The following DCTN1 variants were observed in gnomAD, a reference collection of about 807,000 sequenced individuals.
DCTN1 encodes dynactin subunit 1.
A neutral mutation model predicts 161.2 loss-of-function variants in DCTN1; 61 were observed. That is an observed-to-expected ratio of 0.38 (90% confidence interval 0.31 to 0.47). The LOEUF is 0.47. Among genes scored for constraint, DCTN1 ranks in the 20% least tolerant of loss-of-function variants. The pLI, the probability that DCTN1 is intolerant of heterozygous loss-of-function variation, is 0.99. For missense variants in DCTN1, 1,404 were observed against 1,623.7 expected (o/e 0.86, Z 2.33); for synonymous variants, 653 against 632.4 (o/e 1.03, Z -0.49).
In DCTN1 at chr2:74,364,589, C is replaced by T. The variant is rs966545460; in HGVS notation, c.3196+486G>A. The T allele has an allele frequency of 1.6e-5, 4 of 247,448 alleles. No individual in the cohort carries two copies. In the Admixed American group the frequency reaches 2.1e-4, roughly 13 times the overall value. The allele number at this position is 247,448 out of a possible 1,614,324, so 15.3% of individuals were successfully genotyped here. ...CTAGACAAAGGTCAAAACACAAGCC[C>T]CAAGTGAAACTGGGATAATTCAGCA... On this transcript the variant is annotated intron_variant, in intron 26 of 31. Coordinates refer to ENST00000628224, the MANE Select transcript of DCTN1 (RefSeq NM_004082.5).
chr2:74,389,868 T>A (rs997654611), intron 1 of DCTN1, among the ~76,000 whole-genome samples: 3 of 152,228 alleles, frequency 2.0e-5, no homozygotes, highest in African/African-American at 7.2e-5. Flanking sequence ...TGTCTAATAT[T>A]GCTATGTGAA....
rs114222011 is a variant in DCTN1, at chr2:74,361,683, G to C, written c.3700-47C>G. 2.1e-3 allele frequency: 3,326 copies of C among 1,613,628 alleles called. 68 individuals are homozygous for C. The African/African-American group carries it at 0.038, about 19-fold the overall frequency. The stretch of plus-strand genomic sequence containing the variant: ...AAGACTCCAGGTCAGGGGCTCACTT[G>C]AGCTGTGGGCCACTGAAGGGGTCCC... On this transcript the variant is annotated intron_variant, in intron 31 of 31. Coordinates refer to ENST00000628224, the MANE Select transcript of DCTN1 (RefSeq NM_004082.5).
Position 74,363,424 on chromosome 2 carries a change from G to C in DCTN1, c.3215C>G (p.Ala1072Gly), listed in dbSNP as rs780875333. Residue 1072 changes from alanine (A) to glycine (G), a missense_variant, in exon 28 of 32, where the codon GCC becomes GGC. Coordinates refer to ENST00000628224, the MANE Select transcript of DCTN1 (RefSeq NM_004082.5). ...AGACCCTGGAGCCTGCCCAGGGATG[G>C]CTCCTGTGGGGACCATAAAAAATCT... Reference protein sequence around the residue: ...GIAGEEQQRGAIPGQAPGSVP... With the variant: ...GIAGEEQQRGGIPGQAPGSVP... 4.6e-5 allele frequency: 74 copies of C among 1,612,042 alleles called. No homozygotes were observed. Among genetic ancestry groups the C allele is most frequent in the Non-Finnish European group, 5.9e-5 (70 of 1,179,752 alleles).
intron 1 of DCTN1, among the ~76,000 whole-genome samples, chr2:74,388,517 G>C (rs1248525998): frequency 6.6e-6 from 1 of 152,112 alleles, no homozygotes; most frequent in Admixed American, 6.5e-5. Flanking sequence ...ATGTCACCAG[G>C]ACAATTCTTC....
intron 26 of DCTN1, chr2:74,364,784 G>A (rs1240666770): frequency 4.3e-6 from 2 of 460,766 alleles, no homozygotes; most frequent in African/African-American, 2.0e-5. Flanking sequence ...GGGCTGGGCA[G>A]AAAGGTCAGA....
Position 74,368,101 on chromosome 2 carries a change from TCTC to T in DCTN1, c.1882_1884del (p.Glu628del). The T allele has an allele frequency of 6.2e-7, 1 of 1,600,492 alleles. No individual in the cohort carries two copies. Among genetic ancestry groups the T allele is most frequent in the Non-Finnish European group, 8.5e-7 (1 of 1,173,130 alleles). ...GAACAGTTCTCACTTAGTTCAAACTTCTCCTGGGCCTGCTTCCGGATCAGCTCT... is the reference window on the plus strand; with the variant it reads ...GAACAGTTCTCACTTAGTTCAAACTTCTGGGCCTGCTTCCGGATCAGCTCT... On this transcript the variant is annotated inframe_deletion, in exon 17 of 32. Coordinates refer to ENST00000628224, the MANE Select transcript of DCTN1 (RefSeq NM_004082.5).
Position 74,368,941 on chromosome 2 carries a change from T to C in DCTN1, c.1702-61A>G, listed in dbSNP as rs1002497904. The C allele has an allele frequency of 7.5e-6, 12 of 1,604,652 alleles. No individual in the cohort carries two copies. The African/African-American group carries it at 1.3e-4, about 18-fold the overall frequency. ...AGCTGAAAGAGCCCCAAAATTCCCATGCCTTGCTCCAGTAGATCCCTTGCT... is the reference window on the plus strand; with the variant it reads ...AGCTGAAAGAGCCCCAAAATTCCCACGCCTTGCTCCAGTAGATCCCTTGCT... On this transcript the variant is annotated intron_variant, in intron 15 of 31. Transcript: ENST00000628224.
upstream of DCTN1, among the ~76,000 whole-genome samples, chr2:74,382,313 T>C (rs1207609782): frequency 6.6e-6 from 1 of 152,178 alleles, no homozygotes; most frequent in African/African-American, 2.4e-5. Flanking sequence ...TACAGGTACC[T>C]TGTAGGCCAG....
chr2:74,387,906 C>A (rs1214380903), intron 1 of DCTN1, among the ~76,000 whole-genome samples: 1 of 152,200 alleles, frequency 6.6e-6, no homozygotes, highest in African/African-American at 2.4e-5. Flanking sequence ...CTGGCCTTGA[C>A]CAAGCACAGT....
At chr2:74,391,703 A>T in intron 1 of DCTN1, 1 of 425,184 alleles carries the variant, frequency 2.4e-6, no homozygotes, top group Non-Finnish European at 4.7e-6. Flanking sequence ...CGCCCCGCAC[A>T]CCGGGCTCGG....
upstream of DCTN1, chr2:74,380,692 G>A: frequency 2.5e-6 from 1 of 401,100 alleles, no homozygotes; most frequent in South Asian, 1.8e-5. Context: ...ATGTGAGTAG[G>A]GCCTGGATTT....
intron 29 of DCTN1, 81 bp downstream of exon 29, chr2:74,362,913 G>A (rs1189783243): frequency 6.6e-7 from 1 of 1,504,860 alleles, no homozygotes; most frequent in Non-Finnish European, 9.1e-7. Flanking sequence ...TGTGGTGGGG[G>A]AACCACCTGA....
Position 74,365,120 on chromosome 2 carries a change from G to A in DCTN1, c.3151C>T (p.Pro1051Ser). ...AGAGTAGCAATGCCTGAAGGAGGAG[G>A]GCCCCGGAGTCCCTCAATCGTGCGT... ...SKRTIEGLRG[P>S]PPSGIATLVS... is the part of the protein sequence containing the mutation. The change falls in exon 26 of 32, where the codon CCT becomes TCT. Residue 1051 changes from proline (P) to serine (S), a missense_variant. Transcript: ENST00000628224. The A allele has an allele frequency of 6.2e-7, 1 of 1,614,102 alleles. No homozygotes were observed. The highest frequency in any genetic ancestry group is 1.1e-5 in the South Asian group (1 of 91,076).
chr2:74,366,690 A>G, intron 21 of DCTN1, 70 bp from the exon 22 acceptor site: 4 of 1,613,950 alleles, frequency 2.5e-6, no homozygotes, highest in Non-Finnish European at 3.4e-6. Context: ...CCCCAAAACC[A>G]TTTTTGTCCC....
At chr2:74,362,536 C>T (rs926153679) in intron 30 of DCTN1, 114 bp downstream of exon 30, 6 of 1,107,728 alleles carry the variant, frequency 5.4e-6, no homozygotes, top group Admixed American at 3.9e-5. Context: ...CCTTCCCTTC[C>T]ATCTCCTCCC....
At chr2:74,388,687 T>A (rs1222733651) in intron 1 of DCTN1, among the ~76,000 whole-genome samples, 1 of 152,212 alleles carries the variant, frequency 6.6e-6, no homozygotes, top group Non-Finnish European at 1.5e-5. Context: ...CATCTCTTAC[T>A]CTACTATGAA....
At position 74,372,927 on chromosome 2, in the gene DCTN1, C is replaced by A; in HGVS notation, c.453+1G>T. Reference sequence around the variant, plus strand: ...GCTCACACAGGGGCCTGTTTTCTCACCTTGGGTCGCCGAGTTGTGGTCTGG... The same window carrying A: ...GCTCACACAGGGGCCTGTTTTCTCAACTTGGGTCGCCGAGTTGTGGTCTGG... On this transcript the variant is annotated splice_donor_variant, in intron 7 of 31. Coordinates refer to ENST00000628224, the MANE Select transcript of DCTN1 (RefSeq NM_004082.5). LOFTEE classifies it high-confidence loss of function. 6.2e-7 allele frequency: 1 copy of A among 1,614,088 alleles called. No individual in the cohort carries two copies. Among genetic ancestry groups the A allele is most frequent in the Non-Finnish European group, 8.5e-7 (1 of 1,180,004 alleles).
Position 74,363,437 on chromosome 2 carries a change from C to T in DCTN1, c.3212-10G>A, listed in dbSNP as rs201516838. 4.0e-4 allele frequency: 651 copies of T among 1,611,716 alleles called. No homozygotes were observed. Among genetic ancestry groups the T allele is most frequent in the Non-Finnish European group, 5.4e-4 (634 of 1,179,640 alleles). On this transcript the variant is annotated splice_polypyrimidine_tract_variant and intron_variant, in intron 27 of 31. Coordinates refer to ENST00000628224, the MANE Select transcript of DCTN1 (RefSeq NM_004082.5). ...TGCCCAGGGATGGCTCCTGTGGGGA[C>T]CATAAAAAATCTCATCAGCCCCAAG...
intron 16 of DCTN1, chr2:74,368,508 C>G (rs1674590005): frequency 1.4e-6 from 1 of 704,738 alleles, no homozygotes; most frequent in South Asian, 1.8e-5. Flanking sequence ...CCCTGCTCAC[C>G]TCTAAATCAA....
Sources: allele counts gnomAD v4.1 joint callset (sites outside exome capture counted in the v4.1 genomes callset), GRCh38; gene constraint gnomAD v4.1.1; transcripts MANE v1.5; gene names NCBI Gene and HGNC (gene_info 2026-07-23, HGNC 2026-07-21).